Variants in DGKH observed in about 807,000 individuals in gnomAD.
The protein encoded by DGKH is DAG kinase eta.
Under a neutral mutation model 159.3 loss-of-function variants are expected in DGKH, and 90 were observed. The observed-to-expected ratio is 0.57, with a 90% confidence interval of 0.48 to 0.67. DGKH has a LOEUF of 0.67. Ranked by LOEUF, DGKH falls within the 30% of genes least tolerant of loss-of-function variation. The pLI, the probability that DGKH is intolerant of heterozygous loss-of-function variation, is 0.00. For synonymous variants in DGKH, 536 were observed against 553.8 expected (o/e 0.97, Z 0.45); for missense variants, 1,181 against 1,506.1 (o/e 0.78, Z 3.57).
intron 20 of DGKH, 24 bp from the exon 21 acceptor site, chr13:42,206,011 ACTTT>A: frequency 3.3e-6 from 3 of 918,324 alleles, no homozygotes; most frequent in Non-Finnish European, 4.4e-6. Flanking sequence ...TCTAATCTCT[ACTTT>A]TTTTTTTTTT....
chr13:42,090,987 C>T (rs1484064485), intron 1 of DGKH, among the ~76,000 whole-genome samples: 1 of 152,164 alleles, frequency 6.6e-6, no homozygotes, highest in Admixed American at 6.5e-5. Context: ...CAGCCCTCAC[C>T]AACACTGAAC....
chr13:42,209,022 C>G lies in DGKH; in HGVS notation c.2665C>G (p.Gln889Glu), dbSNP rs769885214. ...AGTTGTAGCAATATTTGATAGCATG[C>G]AAATGGCAGTTTCAAGGGTCATTAA... ...LEVVAIFDSM[Q>E]MAVSRVIKLQ... Residue 889 changes from glutamine (Q) to glutamate (E), a missense_variant, in exon 22 of 30, where the codon CAA becomes GAA. Coordinates refer to ENST00000337343, the MANE Select transcript of DGKH (RefSeq NM_178009.5). 6 of 1,612,372 alleles carry G rather than the reference C, an allele frequency of 3.7e-6. No homozygotes were observed. The Admixed American group carries it at 1.0e-4, about 27-fold the overall frequency.
intron 1 of DGKH, among the ~76,000 whole-genome samples, chr13:42,121,752 G>A (rs867043310): frequency 7.9e-5 from 12 of 152,176 alleles, no homozygotes; most frequent in Non-Finnish European, 1.2e-4. Context: ...GGACTTAAGC[G>A]TTAAGGCAGA....
intron 1 of DGKH, among the ~76,000 whole-genome samples, chr13:42,050,804 C>T (rs1278416040): frequency 6.6e-6 from 1 of 152,116 alleles, no homozygotes. Context: ...CTGCAGTGAA[C>T]TGAGATCTTG....
chr13:42,049,069 C>T, intron 1 of DGKH, 104 bp downstream of exon 1: 1 of 29,730 alleles, frequency 3.4e-5, no homozygotes. Flanking sequence ...GCGGGGAAGG[C>T]GGGGAAGGCG....
At chr13:42,070,130 A>G in intron 1 of DGKH, 1 of 935,964 alleles carries the variant, frequency 1.1e-6, no homozygotes, top group South Asian at 1.3e-5. Flanking sequence ...TCCATTGGAA[A>G]AGAACATATG....
rs201494637 is a variant in DGKH, at chr13:42,180,313, TG to T, written c.1538+2095del. Among the ~76,000 whole-genome samples the T allele has an allele frequency of 2.4e-4, 36 of 152,298 alleles. No homozygotes were observed. In the East Asian group the frequency reaches 6.9e-3, roughly 29 times the overall value. ...CAATACAATTCATTGAAAACCCCAG[TG>T]GCACTGCCCACCAAACAAAGAGAGT... On this transcript the variant is annotated intron_variant, in intron 13 of 29. Transcript: ENST00000337343.
chr13:42,111,853 T>C (rs9525576), intron 1 of DGKH, among the ~76,000 whole-genome samples: 41,029 of 152,116 alleles, frequency 0.27, 5,653 homozygotes, highest in Non-Finnish European at 0.3. Flanking sequence ...TTTTGACAGG[T>C]TGAATTTCTT....
intron 20 of DGKH, among the ~76,000 whole-genome samples, chr13:42,205,448 C>CT (rs894661219): frequency 6.6e-6 from 1 of 152,104 alleles, no homozygotes; most frequent in African/African-American, 2.4e-5. Context: ...CAGCCATATC[C>CT]TTTTTTTCCA....
chr13:42,207,137 C>CT lies in DGKH; in HGVS notation c.2601+991_2601+992insT, dbSNP rs1957521792. Among the ~76,000 whole-genome samples, 206 of 33,852 alleles carry CT rather than the reference C, an allele frequency of 6.1e-3. 11 individuals carry two copies. Among genetic ancestry groups the CT allele is most frequent in the Middle Eastern group, 0.021 (2 of 94 alleles). The allele number at this position is 33,852 out of a possible 152,430, so 22.2% of individuals were successfully genotyped here. A position where few individuals can be genotyped will look rare whatever the true frequency, so the allele number is the denominator to read the frequency against. ...TCTCTTTCTCTCTCCTTCCTTCCTT[C>CT]CTTCCTTCCTTCCTTCCTTCCTTCC... On this transcript the variant is annotated intron_variant, in intron 21 of 29. Transcript: ENST00000337343.
intron 1 of DGKH, among the ~76,000 whole-genome samples, chr13:42,117,228 CTT>C (rs1954983336): frequency 6.6e-6 from 1 of 152,082 alleles, no homozygotes; most frequent in Non-Finnish European, 1.5e-5. Context: ...TTGTTACTAA[CTT>C]TGTTATTTTG....
At position 42,242,209 on chromosome 13, in the gene DGKH, A is replaced by T. The variant is rs1348085038; in HGVS notation, c.*13021A>T. ...AATCATTTGCCTCTTGTTTATTATCATGTTGAAAACACAACAGTATAGTTC... is the reference window on the plus strand; with the variant it reads ...AATCATTTGCCTCTTGTTTATTATCTTGTTGAAAACACAACAGTATAGTTC... On this transcript the variant is annotated 3_prime_UTR_variant, in exon 30 of 30. Coordinates refer to ENST00000337343, the MANE Select transcript of DGKH (RefSeq NM_178009.5). 2 of 152,234 alleles carry T rather than the reference A, an allele frequency of 1.3e-5. No individual in the cohort carries two copies. The highest frequency in any genetic ancestry group is 2.9e-5 in the Non-Finnish European group (2 of 68,034). 9.4% of individuals were successfully genotyped at this position (152,234 alleles called of 1,614,324 possible).
Position 42,241,061 on chromosome 13 carries a change from G to A in DGKH, c.*11873G>A, listed in dbSNP as rs1300596859. 6.6e-6 allele frequency: 1 copy of A among 152,034 alleles called. No individual in the cohort carries two copies. The highest frequency in any genetic ancestry group is 6.5e-5 in the Admixed American group (1 of 15,270). 9.4% of individuals were successfully genotyped at this position (152,034 alleles called of 1,614,324 possible). A position where few individuals can be genotyped will look rare whatever the true frequency, so the allele number is the denominator to read the frequency against. On this transcript the variant is annotated 3_prime_UTR_variant, in exon 30 of 30. Coordinates refer to ENST00000337343, the MANE Select transcript of DGKH (RefSeq NM_178009.5). The stretch of plus-strand genomic sequence containing the variant: ...CAGGAGGCGGAGGTTGCAGTGAGCT[G>A]AGATTGCACCACTGCACTCCAGCCT...
intron 1 of DGKH, among the ~76,000 whole-genome samples, chr13:42,055,878 C>T (rs1002330724): frequency 5.3e-5 from 8 of 152,126 alleles, no homozygotes; most frequent in Non-Finnish European, 1.0e-4. Context: ...AGCTGGGCAC[C>T]GTGGCTCATG....
At chr13:42,071,269 C>T (rs1349062006) in intron 1 of DGKH, among the ~76,000 whole-genome samples, 2 of 152,168 alleles carry the variant, frequency 1.3e-5, no homozygotes, top group African/African-American at 4.8e-5. Flanking sequence ...CTGTTGATTT[C>T]CCCGTAGGTT....
rs573508148 is a variant in DGKH, at chr13:42,141,308, G to A, written c.384+11676G>A. On this transcript the variant is annotated intron_variant, in intron 3 of 29. Transcript: ENST00000337343. ...TTCTTAATCCAGTCTATCATTGTTG[G>A]GCATTTGGGTTGGTTTCAAGTCTGC... Among the ~76,000 whole-genome samples the A allele has an allele frequency of 1.7e-4, 26 of 151,932 alleles. No homozygotes were observed. The South Asian group carries it at 5.2e-3, about 31-fold the overall frequency.
chr13:42,112,552 C>T lies in DGKH; in HGVS notation c.193-14911C>T, dbSNP rs557996951. Among the ~76,000 whole-genome samples the T allele has an allele frequency of 2.0e-5, 3 of 152,314 alleles. No individual in the cohort carries two copies. In the South Asian group the frequency reaches 6.2e-4, roughly 32 times the overall value. On this transcript the variant is annotated intron_variant, in intron 1 of 29. Transcript: ENST00000337343. Reference sequence around the variant, plus strand: ...GATTCTGGATGGCCTGTTCAAAGTGCCTGGTCACATGTATTTGGGAAAAGC... The same window carrying T: ...GATTCTGGATGGCCTGTTCAAAGTGTCTGGTCACATGTATTTGGGAAAAGC...
chr13:42,188,030 A>G (rs1956973192), intron 14 of DGKH, among the ~76,000 whole-genome samples: 1 of 151,856 alleles, frequency 6.6e-6, no homozygotes, highest in Admixed American at 6.5e-5. Flanking sequence ...CCCCAAATCC[A>G]TGTTGGAGAT....
intron 1 of DGKH, among the ~76,000 whole-genome samples, chr13:42,090,486 C>A (rs1388781270): frequency 6.6e-6 from 1 of 152,082 alleles, no homozygotes; most frequent in East Asian, 1.9e-4. Flanking sequence ...TCTCACACTG[C>A]CTGATTTCAA....
Sources: allele counts gnomAD v4.1 joint callset (sites outside exome capture counted in the v4.1 genomes callset), GRCh38; gene constraint gnomAD v4.1.1; transcripts MANE v1.5; gene names NCBI Gene and HGNC (gene_info 2026-07-23, HGNC 2026-07-21).